Variants in CHEK2 observed in about 807,000 individuals in gnomAD.
CHEK2 encodes serine/threonine-protein kinase Chk2.
A neutral mutation model predicts 69.1 loss-of-function variants in CHEK2; 71 were observed. The observed-to-expected ratio is 1.03, with a 90% CI of 0.85 to 1.25. The LOEUF (loss-of-function observed/expected upper bound fraction) is 1.25. Among genes scored for constraint, CHEK2 ranks in the 50% most tolerant of loss-of-function variants. The pLI, the probability that CHEK2 is intolerant of heterozygous loss-of-function variation, is 0.00. For missense variants in CHEK2, 664 were observed against 649.6 expected (o/e 1.02, Z -0.24); for synonymous variants, 189 against 226.9 (o/e 0.83, Z 1.50).
At chr22:28,701,675 T>C (rs1445824141) in intron 8 of CHEK2, among the ~76,000 whole-genome samples, 2 of 152,186 alleles carry the variant, frequency 1.3e-5, no homozygotes, top group Admixed American at 1.3e-4. Context: ...AGGAAGTTAT[T>C]CTGATTACAC....
chr22:28,688,392 G>C (rs1295709513), intron 14 of CHEK2, among the ~76,000 whole-genome samples: 1 of 152,234 alleles, frequency 6.6e-6, no homozygotes, highest in Non-Finnish European at 1.5e-5. Flanking sequence ...AGGAAGGCTG[G>C]GTGCGGTGAC....
intron 2 of CHEK2, among the ~76,000 whole-genome samples, chr22:28,731,184 CAG>C (rs2054203361): frequency 6.6e-6 from 1 of 152,042 alleles, no homozygotes; most frequent in South Asian, 2.1e-4. Flanking sequence ...GCCTGGATGA[CAG>C]AGTGAGATCC....
intron 5 of CHEK2, among the ~76,000 whole-genome samples, chr22:28,718,874 T>C (rs1268518917): frequency 1.5e-5 from 2 of 135,976 alleles, no homozygotes; most frequent in Non-Finnish European, 3.1e-5. Context: ...AGAGCAAGAC[T>C]CTGACACTAA....
intron 8 of CHEK2, among the ~76,000 whole-genome samples, chr22:28,700,456 C>G (rs1352211585): frequency 6.6e-6 from 1 of 152,098 alleles, no homozygotes; most frequent in Non-Finnish European, 1.5e-5. Flanking sequence ...CTCAAGTGAT[C>G]TGCCCACTTT....
chr22:28,713,453 G>A (rs899811075), intron 5 of CHEK2, among the ~76,000 whole-genome samples: 8 of 150,408 alleles, frequency 5.3e-5, no homozygotes, highest in Non-Finnish European at 8.9e-5. Context: ...TCCGCCTCCC[G>A]GGTTCACGCC....
At chr22:28,724,257 A>C (rs1186259348) in intron 4 of CHEK2, among the ~76,000 whole-genome samples, 2 of 152,030 alleles carry the variant, frequency 1.3e-5, no homozygotes, top group Admixed American at 6.5e-5. Context: ...AGTACAAAAA[A>C]ATTAGATGGG....
intron 7 of CHEK2, among the ~76,000 whole-genome samples, chr22:28,708,360 AAT>A (rs1491313098): frequency 4.3e-3 from 221 of 51,736 alleles, no homozygotes; most frequent in Middle Eastern, 0.011. Flanking sequence ...TGTCTCTAAA[AAT>A]ATGTGTGTGT....
At chr22:28,690,532 G>A (rs1291857474) in intron 13 of CHEK2, among the ~76,000 whole-genome samples, 8 of 151,382 alleles carry the variant, frequency 5.3e-5, no homozygotes, top group African/African-American at 1.7e-4. Flanking sequence ...GGAGGCTGAG[G>A]CAGGAGAATC....
intron 12 of CHEK2, among the ~76,000 whole-genome samples, chr22:28,694,449 ACTCT>A (rs530696174): frequency 1.3e-5 from 2 of 152,116 alleles, no homozygotes; most frequent in Non-Finnish European, 2.9e-5. Context: ...TGCACAGCAA[ACTCT>A]CTCTGACATC....
chr22:28,731,231 A>C (rs1266358021), intron 2 of CHEK2, among the ~76,000 whole-genome samples: 2 of 151,738 alleles, frequency 1.3e-5, no homozygotes, highest in Non-Finnish European at 2.9e-5. Context: ...AACAAACAAA[A>C]ATTTAAAAAA....
In CHEK2 at chr22:28,711,974, A is replaced by G. The variant is rs141776984; in HGVS notation, c.727T>C (p.Cys243Arg). 222 of 1,613,860 alleles carry G rather than the reference A, an allele frequency of 1.4e-4. No individual in the cohort carries two copies. The highest frequency in any genetic ancestry group is 1.9e-4 in the Non-Finnish European group (220 of 1,179,970). The change falls in exon 6 of 15, where the codon TGT becomes CGT. Residue 243 changes from cysteine to arginine, a missense_variant. Coordinates refer to ENST00000404276, the MANE Select transcript of CHEK2 (RefSeq NM_007194.4). ...ATGATCTTTATGGCTACTTTCTTAC[A>G]TGTTTTCCTCTCGAAAGCCAGCTTT... The part of the protein sequence containing the change: ...EVKLAFERKT[C>R]KKVAIKIISK...
rs904234823 is a variant in CHEK2, at chr22:28,732,118, C to CT, written c.319+2284dup. Among the ~76,000 whole-genome samples the CT allele has an allele frequency of 6.4e-4, 94 of 146,194 alleles. 1 individual carries two copies. The highest frequency in any genetic ancestry group is 3.8e-3 in the Admixed American group (55 of 14,520). On this transcript the variant is annotated intron_variant, in intron 2 of 14. Coordinates refer to ENST00000404276, the MANE Select transcript of CHEK2 (RefSeq NM_007194.4). The stretch of plus-strand genomic sequence containing the variant: ...CACAACGCCCCGCAAATTTTTTTTT[C>CT]TTTTTTTTTTGAGATGGAGTTTCGC...
At chr22:28,731,148 A>G (rs2054202325) in intron 2 of CHEK2, among the ~76,000 whole-genome samples, 1 of 152,140 alleles carries the variant, frequency 6.6e-6, no homozygotes, top group Non-Finnish European at 1.5e-5. Flanking sequence ...GGCTGAAGTG[A>G]GCTGAGATTG....
At chr22:28,725,422 T>G (rs545960121) in intron 2 of CHEK2, 55 bp from the exon 3 acceptor site, 2 of 1,607,564 alleles carry the variant, frequency 1.2e-6, no homozygotes, top group Non-Finnish European at 1.7e-6. Flanking sequence ...ATCAAACGTT[T>G]AAAAATTGCT....
chr22:28,702,610 A>G (rs1430938549), intron 8 of CHEK2, among the ~76,000 whole-genome samples: 2 of 144,564 alleles, frequency 1.4e-5, no homozygotes, highest in Admixed American at 1.4e-4. Flanking sequence ...ACAGTGGCAC[A>G]ATCTCAGCTC....
intron 4 of CHEK2, among the ~76,000 whole-genome samples, chr22:28,720,583 G>A (rs774110051): frequency 5.9e-5 from 9 of 152,132 alleles, no homozygotes; most frequent in Non-Finnish European, 1.2e-4. Context: ...TAAGACCCTT[G>A]AGTTTCTCAG....
intron 9 of CHEK2, among the ~76,000 whole-genome samples, chr22:28,697,351 A>C (rs1026119302): frequency 6.6e-6 from 1 of 152,150 alleles, no homozygotes; most frequent in Non-Finnish European, 1.5e-5. Flanking sequence ...CCAAAATGAT[A>C]TATTTGGTTA....
intron 2 of CHEK2, among the ~76,000 whole-genome samples, chr22:28,730,702 AC>A (rs1266988823): frequency 6.6e-6 from 1 of 151,894 alleles, no homozygotes; most frequent in Admixed American, 6.6e-5. Flanking sequence ...TACTAAAAAT[AC>A]AAAAATTAGC....
At chr22:28,732,917 G>C (rs1415135985) in intron 2 of CHEK2, among the ~76,000 whole-genome samples, 1 of 151,934 alleles carries the variant, frequency 6.6e-6, no homozygotes, top group Admixed American at 6.6e-5. Context: ...TCATCCTCCT[G>C]AGTAGCTGGG....
Sources: gnomAD v4.1 joint callset for allele counts (sites outside exome capture counted in the v4.1 genomes callset) on GRCh38, gnomAD v4.1.1 for gene constraint, MANE v1.5 for transcripts, NCBI Gene and HGNC (gene_info 2026-07-23, HGNC 2026-07-21) for gene names.